The following CNDP1 variants were observed in gnomAD, a reference collection of about 807,000 sequenced individuals.
The protein encoded by CNDP1 is carnosine dipeptidase 1, also known as beta-Ala-His dipeptidase.
A neutral mutation model predicts 58.1 loss-of-function variants in CNDP1; 44 were observed. The observed-to-expected ratio is 0.76, with a 90% confidence interval of 0.60 to 0.97. The LOEUF (loss-of-function observed/expected upper bound fraction) is 0.97. Among genes scored for constraint, CNDP1 ranks in the 50% least tolerant of loss-of-function variants. The probability of loss-of-function intolerance (pLI) is 0.00; values close to 1 mark genes in which losing one functional copy is unlikely to be tolerated. For synonymous variants in CNDP1, 254 were observed against 252.6 expected, an observed-to-expected ratio of 1.01 and a Z score of -0.05; for missense variants, 616 against 655.1, an observed-to-expected ratio of 0.94 and a Z score of 0.65.
chr18:74,572,583 T>C (rs1315581372), intron 7 of CNDP1, among the ~76,000 whole-genome samples: 2 of 151,832 alleles, frequency 1.3e-5, no homozygotes, highest in African/African-American at 4.8e-5. Flanking sequence ...AGCTCAGGAC[T>C]TTGAGACCAG....
chr18:74,543,219 G>A (rs1980669717), intron 1 of CNDP1, among the ~76,000 whole-genome samples: 1 of 152,228 alleles, frequency 6.6e-6, no homozygotes, highest in East Asian at 1.9e-4. Flanking sequence ...GCCGGGTGTG[G>A]TGGCTCATGC....
chr18:74,580,591 T>C (rs1369322427), intron 10 of CNDP1, among the ~76,000 whole-genome samples: 1 of 152,116 alleles, frequency 6.6e-6, no homozygotes, highest in Non-Finnish European at 1.5e-5. Context: ...TTGAAGAAAA[T>C]GATGGACTAG....
At chr18:74,554,289 T>C (rs1249997167) in intron 1 of CNDP1, among the ~76,000 whole-genome samples, 1 of 152,220 alleles carries the variant, frequency 6.6e-6, no homozygotes, top group African/African-American at 2.4e-5. Context: ...AACATCCCTG[T>C]AGCATTTCAG....
In CNDP1 at chr18:74,535,334, G is replaced by C. The variant is rs146861588; in HGVS notation, c.24+643G>C. On this transcript the variant is annotated intron_variant, in intron 1 of 11. Transcript: ENST00000358821. ...TTGCAAACACACACATACACACACA[G>C]AAATTTTCAGAATTTTGTGGAAGGT... Among the ~76,000 whole-genome samples, 98 of 152,286 alleles carry C rather than the reference G, an allele frequency of 6.4e-4. 1 individual carries two copies. In the East Asian group the frequency reaches 0.018, roughly 28 times the overall value.
intron 7 of CNDP1, among the ~76,000 whole-genome samples, chr18:74,572,790 C>CAAAAAAAAAAAAAAAAAAAAAAA: frequency 1.7e-5 from 1 of 60,068 alleles, no homozygotes; most frequent in Middle Eastern, 0.011. Flanking sequence ...GACCCTGTAT[C>CAAAAAAAAAAAAAAAAAAAAAAA]AAAAAAAAAA....
At chr18:74,566,136 G>A (rs1248616013) in intron 5 of CNDP1, among the ~76,000 whole-genome samples, 1 of 152,198 alleles carries the variant, frequency 6.6e-6, no homozygotes, top group Non-Finnish European at 1.5e-5. Flanking sequence ...TGGCACACAG[G>A]GCACCAAGTC....
intron 1 of CNDP1, among the ~76,000 whole-genome samples, chr18:74,553,041 G>A (rs1396027234): frequency 2.6e-5 from 4 of 152,170 alleles, no homozygotes; most frequent in African/African-American, 9.7e-5. Context: ...ATCATGCTGA[G>A]CCTAAACTTT....
chr18:74,563,800 T>G (rs1176470734), intron 5 of CNDP1, among the ~76,000 whole-genome samples: 1 of 152,194 alleles, frequency 6.6e-6, no homozygotes, highest in Non-Finnish European at 1.5e-5. Context: ...AGCAGTAAAC[T>G]GCCAAGGGGA....
chr18:74,534,702 C>A lies in CNDP1; in HGVS notation c.24+11C>A. On this transcript the variant is annotated intron_variant, in intron 1 of 11. Transcript: ENST00000358821. The stretch of plus-strand genomic sequence containing the variant: ...AAACTCGGGAGAATGGTGAGTAGGA[C>A]CTCCTCCATCAGAGTCCGTGCATTG... 2 of 1,613,954 alleles carry A rather than the reference C, an allele frequency of 1.2e-6. No homozygotes were observed. Among genetic ancestry groups the A allele is most frequent in the Non-Finnish European group, 1.7e-6 (2 of 1,179,868 alleles).
chr18:74,578,382 C>T, intron 9 of CNDP1, 55 bp downstream of exon 9: 1 of 1,515,944 alleles, frequency 6.6e-7, no homozygotes, highest in Admixed American at 1.9e-5. Context: ...TTTCTGAATC[C>T]CGCACATCAC....
chr18:74,578,511 C>T (rs558088202), intron 9 of CNDP1, among the ~76,000 whole-genome samples, 184 bp downstream of exon 9: 3 of 152,176 alleles, frequency 2.0e-5, no homozygotes, highest in Admixed American at 6.5e-5. Flanking sequence ...CCTGTAATCC[C>T]GGCACTTTGA....
In CNDP1 at chr18:74,559,315, C is replaced by T. The variant is rs1315465807; in HGVS notation, c.154-8C>T. Reference sequence around the variant, plus strand: ...CAATGCTAATGGCCTGCTTGCTCTTCCTCCTAGACGCTGAAGGAGTGGGTG... The same window carrying T: ...CAATGCTAATGGCCTGCTTGCTCTTTCTCCTAGACGCTGAAGGAGTGGGTG... On this transcript the variant is annotated splice_polypyrimidine_tract_variant and splice_region_variant and intron_variant, in intron 2 of 11. Transcript: ENST00000358821. 2.5e-6 allele frequency: 4 copies of T among 1,614,022 alleles called. No individual in the cohort carries two copies. Among genetic ancestry groups the T allele is most frequent in the Non-Finnish European group, 3.4e-6 (4 of 1,179,966 alleles).
chr18:74,536,916 G>T (rs1033422723), intron 1 of CNDP1, among the ~76,000 whole-genome samples: 1 of 152,024 alleles, frequency 6.6e-6, no homozygotes, highest in Non-Finnish European at 1.5e-5. Context: ...TCATATGCTT[G>T]TTGGCCACAT....
intron 5 of CNDP1, among the ~76,000 whole-genome samples, chr18:74,562,638 C>T (rs1232009649): frequency 6.6e-6 from 1 of 152,230 alleles, no homozygotes; most frequent in Non-Finnish European, 1.5e-5. Flanking sequence ...ATCCTTGGAT[C>T]TCTTCCCTGA....
chr18:74,550,302 A>C (rs552939190), intron 1 of CNDP1, among the ~76,000 whole-genome samples: 1 of 152,252 alleles, frequency 6.6e-6, no homozygotes, highest in South Asian at 2.1e-4. Context: ...GTCAAAGGAG[A>C]TTATTTTGGA....
At chr18:74,580,552 G>T (rs1395779839) in intron 10 of CNDP1, among the ~76,000 whole-genome samples, 1 of 152,224 alleles carries the variant, frequency 6.6e-6, no homozygotes, top group Non-Finnish European at 1.5e-5. Context: ...CAAAGCCTGT[G>T]TTCAAATTTA....
At chr18:74,535,676 C>T (rs1442034924) in intron 1 of CNDP1, among the ~76,000 whole-genome samples, 1 of 144,974 alleles carries the variant, frequency 6.9e-6, no homozygotes, top group East Asian at 2.2e-4. Flanking sequence ...TTTAAAAAAT[C>T]TTTAAACTGT....
Position 74,560,943 on chromosome 18 carries a change from G to A in CNDP1, c.391G>A (p.Gly131Ser), listed in dbSNP as rs139875336. 6 of 1,614,010 alleles carry A rather than the reference G, an allele frequency of 3.7e-6. No individual in the cohort carries two copies. The highest frequency in any genetic ancestry group is 2.5e-6 in the Non-Finnish European group (3 of 1,180,038). Residue 131 changes from glycine to serine, a missense_variant, in exon 4 of 12, where the codon GGC becomes AGC. Coordinates refer to ENST00000358821, the MANE Select transcript of CNDP1 (RefSeq NM_032649.6). ...DPTKGTVCFY[G>S]HLDVQPADRG... is the part of the protein sequence containing the mutation. ...CACGAAAGGCACCGTGTGCTTCTAC[G>A]GCCACTTGGACGTGCAGCCTGCTGA...
At chr18:74,567,104 TA>T in intron 5 of CNDP1, 128 bp from the exon 6 acceptor site, 1 of 708,508 alleles carries the variant, frequency 1.4e-6, no homozygotes, top group Admixed American at 2.2e-5. Flanking sequence ...ATGATTCAAT[TA>T]CCTCCCCCTG....
Sources: gnomAD v4.1 joint callset for allele counts (sites outside exome capture counted in the v4.1 genomes callset) on GRCh38, gnomAD v4.1.1 for gene constraint, MANE v1.5 for transcripts, NCBI Gene and HGNC (gene_info 2026-07-23, HGNC 2026-07-21) for gene names.